Variants in SLC35D4 observed in about 807,000 individuals in gnomAD.
The protein encoded by SLC35D4 is solute carrier family 35 member D4.
At chr18:23,317,581 C>T in the SLC35D4 span, among the ~76,000 whole-genome samples, 2 of 152,152 alleles carry the variant, frequency 1.3e-5, no homozygotes, top group South Asian at 2.1e-4. Context: ...AGAGCACTCA[C>T]GTAAACCTTA....
chr18:23,310,285 T>A, the SLC35D4 span: 4 of 984,786 alleles, frequency 4.1e-6, no homozygotes, highest in South Asian at 1.4e-4. Flanking sequence ...GGGAAAGGAG[T>A]GATTAAATCA....
At chr18:23,419,651 T>C in the SLC35D4 span, among the ~76,000 whole-genome samples, 3 of 152,148 alleles carry the variant, frequency 2.0e-5, no homozygotes, top group African/African-American at 7.2e-5. Flanking sequence ...ACTAATGTAA[T>C]GTGTGATCTG....
chr18:23,248,538 T>TTTTTA, the SLC35D4 span, among the ~76,000 whole-genome samples: 45 of 93,604 alleles, frequency 4.8e-4, 1 homozygote, highest in African/African-American at 1.4e-3. Flanking sequence ...TTTTTTTTTT[T>TTTTTA]AAAAAAAGGC....
chr18:23,241,368 T>G, the SLC35D4 span, among the ~76,000 whole-genome samples: 2 of 152,148 alleles, frequency 1.3e-5, no homozygotes, highest in African/African-American at 4.8e-5. Flanking sequence ...CTGTCTCTAC[T>G]AAAAATACAA....
the SLC35D4 span, among the ~76,000 whole-genome samples, chr18:23,245,194 C>G: frequency 2.6e-5 from 4 of 152,112 alleles, no homozygotes; most frequent in African/African-American, 9.7e-5. Context: ...CATGACAAGT[C>G]AAGACTTTGT....
At chr18:23,436,019 C>T in the SLC35D4 span, among the ~76,000 whole-genome samples, 226 of 148,900 alleles carry the variant, frequency 1.5e-3, 2 homozygotes, top group African/African-American at 5.5e-3. Flanking sequence ...TTAACTCTCA[C>T]AACAACACTT....
chr18:23,241,348 T>A, the SLC35D4 span, among the ~76,000 whole-genome samples: 1 of 151,964 alleles, frequency 6.6e-6, no homozygotes, highest in African/African-American at 2.4e-5. Context: ...CTGGCTAACG[T>A]GATGAAACTC....
chr18:23,417,839 G>A, the SLC35D4 span, among the ~76,000 whole-genome samples: 1 of 152,136 alleles, frequency 6.6e-6, no homozygotes, highest in Non-Finnish European at 1.5e-5. Context: ...GAATCAGCAA[G>A]GAAGACTCAT....
chr18:23,316,041 T>C, the SLC35D4 span, among the ~76,000 whole-genome samples: 1 of 152,206 alleles, frequency 6.6e-6, no homozygotes, highest in African/African-American at 2.4e-5. Flanking sequence ...GTTCCACCCC[T>C]GACCTACTAA....
At chr18:23,351,121 T>C in the SLC35D4 span, among the ~76,000 whole-genome samples, 3 of 152,172 alleles carry the variant, frequency 2.0e-5, no homozygotes, top group African/African-American at 7.2e-5. Context: ...AAATAGGCCA[T>C]GTGGACCGAG....
chr18:23,334,349 A>C, the SLC35D4 span, among the ~76,000 whole-genome samples: 1 of 152,170 alleles, frequency 6.6e-6, no homozygotes, highest in South Asian at 2.1e-4. Context: ...CCCAGAGCTC[A>C]CACAAGAAGA....
chr18:23,414,343 C>A, the SLC35D4 span, among the ~76,000 whole-genome samples: 375 of 109,172 alleles, frequency 3.4e-3, 1 homozygote, highest in Non-Finnish European at 4.9e-3. Flanking sequence ...GGCAGGCAGG[C>A]AGGCAGGCAG....
chr18:23,271,038 T>G, the SLC35D4 span, among the ~76,000 whole-genome samples: 1 of 152,206 alleles, frequency 6.6e-6, no homozygotes, highest in Non-Finnish European at 1.5e-5. Context: ...AAATCTCATC[T>G]TGAATTGTAG....
chr18:23,408,270 C>T, the SLC35D4 span, among the ~76,000 whole-genome samples: 1 of 152,110 alleles, frequency 6.6e-6, no homozygotes, highest in East Asian at 1.9e-4. Flanking sequence ...TGTCTGTCTA[C>T]CTCAACTAGA....
chr18:23,323,589 A>G, the SLC35D4 span, among the ~76,000 whole-genome samples: 7 of 152,292 alleles, frequency 4.6e-5, no homozygotes, highest in East Asian at 7.7e-4. Context: ...CTTGCACAAT[A>G]CATTTACATA....
chr18:23,434,524 T>A, the SLC35D4 span, among the ~76,000 whole-genome samples: 9 of 152,332 alleles, frequency 5.9e-5, no homozygotes, highest in Non-Finnish European at 8.8e-5. Context: ...CAGTGGCTTA[T>A]ACCTATAATC....
At chr18:23,282,774 T>C in the SLC35D4 span, among the ~76,000 whole-genome samples, 1 of 151,970 alleles carries the variant, frequency 6.6e-6, no homozygotes, top group African/African-American at 2.4e-5. Context: ...AATCTTGGCT[T>C]AGAAATGCAG....
the SLC35D4 span, among the ~76,000 whole-genome samples, chr18:23,392,491 C>T: frequency 6.6e-6 from 1 of 152,214 alleles, no homozygotes; most frequent in African/African-American, 2.4e-5. Flanking sequence ...TGCCTTCTTT[C>T]CCAGCCTCCA....
At chr18:23,304,420 A>G in the SLC35D4 span, among the ~76,000 whole-genome samples, 2 of 147,888 alleles carry the variant, frequency 1.4e-5, no homozygotes, top group Admixed American at 1.4e-4. Context: ...AATTCATATA[A>G]TAAAATGTAA....
Sources: gnomAD v4.1 joint callset for allele counts (sites outside exome capture counted in the v4.1 genomes callset) on GRCh38, gnomAD v4.1.1 for gene constraint, MANE v1.5 for transcripts, NCBI Gene and HGNC (gene_info 2026-07-23, HGNC 2026-07-21) for gene names.